Variants in PRKCA observed in about 807,000 individuals in gnomAD.
PRKCA encodes the protein protein kinase C alpha type.
Under a neutral mutation model 87.0 loss-of-function variants are expected in PRKCA, and 27 were observed. The observed-to-expected ratio is 0.31, with a 90% CI of 0.23 to 0.43. PRKCA has a LOEUF of 0.43. PRKCA is among the 20% of genes least tolerant of loss of function. The pLI is 1.00. For missense variants in PRKCA, 518 were observed against 852.3 expected, an observed-to-expected ratio of 0.61 and a Z score of 4.88; for synonymous variants, 329 against 311.1, an observed-to-expected ratio of 1.06 and a Z score of -0.61.
intron 16 of PRKCA, among the ~76,000 whole-genome samples, chr17:66,791,488 G>T (rs4791038): frequency 6.6e-6 from 1 of 152,202 alleles, no homozygotes; most frequent in East Asian, 1.9e-4. Context: ...ACCCGTAGAC[G>T]CTGTGTTCAA....
At chr17:66,384,969 G>T (rs1478127043) in intron 2 of PRKCA, among the ~76,000 whole-genome samples, 1 of 152,214 alleles carries the variant, frequency 6.6e-6, no homozygotes, top group Non-Finnish European at 1.5e-5. Flanking sequence ...AAATGCCTGA[G>T]CAGGGGTTTT....
Position 66,732,611 on chromosome 17 carries a change from G to C in PRKCA, c.919-77G>C, listed in dbSNP as rs1973930310. The C allele has an allele frequency of 3.2e-6, 5 of 1,579,928 alleles. No homozygotes were observed. In the African/African-American group the frequency reaches 6.8e-5, roughly 21 times the overall value. ...CACCTCCAAGCAAACATTAAACTCAGTTACAACACGGTGGTTTCTGTCACT... is the reference window on the plus strand; with the variant it reads ...CACCTCCAAGCAAACATTAAACTCACTTACAACACGGTGGTTTCTGTCACT... On this transcript the variant is annotated intron_variant, in intron 8 of 16. Transcript: ENST00000413366.
chr17:66,482,381 T>G (rs1915826410), intron 2 of PRKCA, among the ~76,000 whole-genome samples: 1 of 152,154 alleles, frequency 6.6e-6, no homozygotes, highest in Admixed American at 6.5e-5. Flanking sequence ...GCTCACCCCT[T>G]CCAGTGCCCA....
At chr17:66,318,966 A>G (rs368073409) in intron 2 of PRKCA, among the ~76,000 whole-genome samples, 4 of 126,344 alleles carry the variant, frequency 3.2e-5, no homozygotes, top group Non-Finnish European at 7.1e-5. Context: ...ACAAAAAAAT[A>G]TTTTTTGTAA....
intron 8 of PRKCA, among the ~76,000 whole-genome samples, chr17:66,702,630 G>A (rs545982889): frequency 1.3e-5 from 2 of 152,154 alleles, no homozygotes; most frequent in African/African-American, 4.8e-5. Flanking sequence ...TAGTTTGATT[G>A]TAGTAATCAT....
At chr17:66,451,798 G>T (rs1914336970) in intron 2 of PRKCA, among the ~76,000 whole-genome samples, 2 of 152,136 alleles carry the variant, frequency 1.3e-5, no homozygotes, top group East Asian at 1.9e-4. Context: ...TGAGTCAAAG[G>T]CTCTGAAGCA....
At chr17:66,347,941 C>CCTTTTTTTTTTT (rs1907495465) in intron 2 of PRKCA, among the ~76,000 whole-genome samples, 1 of 56,440 alleles carries the variant, frequency 1.8e-5, no homozygotes, top group African/African-American at 5.7e-5. Flanking sequence ...AATTCTGAAC[C>CCTTTTTTTTTTT]TTTTTTTTTT....
chr17:66,418,735 C>T (rs976313679), intron 2 of PRKCA, among the ~76,000 whole-genome samples: 4 of 151,716 alleles, frequency 2.6e-5, no homozygotes, highest in Admixed American at 1.3e-4. Context: ...TGCTCCCAGC[C>T]GGTTTCAGCG....
intron 3 of PRKCA, among the ~76,000 whole-genome samples, chr17:66,499,298 G>A (rs1339330861): frequency 6.6e-6 from 1 of 151,958 alleles, no homozygotes; most frequent in Non-Finnish European, 1.5e-5. Context: ...ACCAAGAAGG[G>A]GCAGCCAGAA....
intron 13 of PRKCA, among the ~76,000 whole-genome samples, chr17:66,746,834 G>T (rs1455665134): frequency 6.6e-6 from 1 of 152,130 alleles, no homozygotes; most frequent in Non-Finnish European, 1.5e-5. Flanking sequence ...GCCAAGCAAA[G>T]GCTTCATTTG....
At chr17:66,749,036 GAACCCCCTCCCTGGCCA>G (rs1974367465) in intron 13 of PRKCA, among the ~76,000 whole-genome samples, 5 of 149,356 alleles carry the variant, frequency 3.3e-5, no homozygotes, top group Admixed American at 6.6e-5. Flanking sequence ...CTCTGAATTG[GAACCCCCTCCCTGGCCA>G]GTCTGCATCT....
chr17:66,332,916 C>T (rs1391616663), intron 2 of PRKCA, among the ~76,000 whole-genome samples: 1 of 152,174 alleles, frequency 6.6e-6, no homozygotes, highest in African/African-American at 2.4e-5. Flanking sequence ...TGGTCTCAAT[C>T]TCCTGACCTT....
chr17:66,546,792 T>A (rs1474417063), intron 3 of PRKCA, among the ~76,000 whole-genome samples: 2 of 152,230 alleles, frequency 1.3e-5, no homozygotes, highest in African/African-American at 4.8e-5. Flanking sequence ...GCATTAGTTT[T>A]ACCTCTTCGT....
At chr17:66,473,527 C>T (rs527874382) in intron 2 of PRKCA, among the ~76,000 whole-genome samples, 62 of 152,146 alleles carry the variant, frequency 4.1e-4, no homozygotes, top group Non-Finnish European at 6.9e-4. Flanking sequence ...CAGCCTTTCC[C>T]ATTCTACTGT....
At chr17:66,343,319 C>T (rs1045751894) in intron 2 of PRKCA, among the ~76,000 whole-genome samples, 7 of 152,170 alleles carry the variant, frequency 4.6e-5, no homozygotes. Flanking sequence ...CTCTGCCATG[C>T]TTAGCTTTTT....
chr17:66,606,383 T>A (rs1385325090), intron 3 of PRKCA, among the ~76,000 whole-genome samples: 1 of 152,104 alleles, frequency 6.6e-6, no homozygotes, highest in Non-Finnish European at 1.5e-5. Flanking sequence ...AGAGTGAGAC[T>A]CCGTCTCAAA....
chr17:66,347,958 T>TTTTTTTTTTTTTTA (rs1907502452), intron 2 of PRKCA, among the ~76,000 whole-genome samples: 1 of 142,030 alleles, frequency 7.0e-6, no homozygotes. Flanking sequence ...TTTTTTTTTT[T>TTTTTTTTTTTTTTA]TTGAGACAAA....
At chr17:66,654,691 C>T (rs1971686623) in intron 5 of PRKCA, among the ~76,000 whole-genome samples, 1 of 152,206 alleles carries the variant, frequency 6.6e-6, no homozygotes, top group South Asian at 2.1e-4. Flanking sequence ...TGGGATGGCT[C>T]CGCAGCTCCT....
Position 66,352,176 on chromosome 17 carries a change from A to G in PRKCA, c.205+46049A>G, listed in dbSNP as rs181202800. ...CGTGAGATCCCAGAGTCTGGAAGCT[A>G]TTTCAAGGTTCTGGAAATAGTCTAG... On this transcript the variant is annotated intron_variant, in intron 2 of 16. Transcript: ENST00000413366. Among the ~76,000 whole-genome samples, 249 of 152,308 alleles carry G rather than the reference A, an allele frequency of 1.6e-3. 3 individuals carry two copies. Among genetic ancestry groups the G allele is most frequent in the Non-Finnish European group, 2.1e-3 (144 of 68,026 alleles).
Sources: gnomAD v4.1 joint callset for allele counts (sites outside exome capture counted in the v4.1 genomes callset) on GRCh38, gnomAD v4.1.1 for gene constraint, MANE v1.5 for transcripts, NCBI Gene and HGNC (gene_info 2026-07-23, HGNC 2026-07-21) for gene names.